Variants in NHSL2 observed in about 807,000 individuals in gnomAD.
The protein encoded by NHSL2 is NHS-like protein 2.
A neutral mutation model predicts 53.4 loss-of-function variants in NHSL2; 27 were observed. The ratio of observed to expected loss-of-function variants is 0.51; its 90% confidence interval spans 0.37 to 0.70. The LOEUF (loss-of-function observed/expected upper bound fraction) is 0.70, where lower values mean the gene tolerates loss of function less well. NHSL2 is among the 30% of genes least tolerant of loss of function. The pLI is 0.00. For synonymous variants in NHSL2, 408 were observed against 404.1 expected, an observed-to-expected ratio of 1.01 and a Z score of -0.12; for missense variants, 892 against 980.1, an observed-to-expected ratio of 0.91 and a Z score of 1.20.
chrX:72,134,566 G>A lies in NHSL2; in HGVS notation c.622G>A (p.Glu208Lys), dbSNP rs919480148. ...TACCACCCAGGGTGTGAGGGCCCCC[G>A]AGGCCTCCCTGAGCCTGTCTACCAC... Reference protein sequence around the residue: ...ETTTQGVRAPEASLSLSTTAD... With the variant: ...ETTTQGVRAPKASLSLSTTAD... Residue 208 changes from glutamate (E) to lysine (K), a missense_variant, in exon 4 of 8, where the codon GAG (glutamate) becomes AAG (lysine). Physicochemically the swap from Glu to Lys is moderately conservative, Grantham distance 56. Coordinates refer to ENST00000633930, the MANE Select transcript of NHSL2 (RefSeq NM_001013627.3). 4.3e-6 allele frequency: 5 copies of A among 1,166,614 alleles called. No homozygotes were observed. The highest frequency in any genetic ancestry group is 2.3e-4 in the Middle Eastern group (1 of 4,307).
chrX:72,098,593 AAAAG>A (rs1480504469), intron 1 of NHSL2, among the ~76,000 whole-genome samples: 2 of 110,407 alleles, frequency 1.8e-5, no homozygotes, highest in Admixed American at 9.6e-5. Context: ...AAAAAAAAAA[AAAAG>A]AAAGAGAGAA....
intron 1 of NHSL2, among the ~76,000 whole-genome samples, chrX:72,099,830 C>G (rs982384819): frequency 8.9e-6 from 1 of 112,528 alleles, no homozygotes; most frequent in Non-Finnish European, 1.9e-5. Context: ...TTCTTTGTTT[C>G]ATATTCAGTC....
chrX:72,131,945 C>G (rs1340926666), intron 1 of NHSL2, 134 bp from the exon 2 acceptor site: 14 of 595,067 alleles, frequency 2.4e-5, no homozygotes, highest in Non-Finnish European at 3.7e-5. Context: ...GATTCCCCGC[C>G]TTTTAAGCGC....
At chrX:71,923,886 G>A (rs2041671959) in intron 1 of NHSL2, among the ~76,000 whole-genome samples, 1 of 112,053 alleles carries the variant, frequency 8.9e-6, no homozygotes, top group Non-Finnish European at 1.9e-5. Flanking sequence ...ACTTCACTAT[G>A]GCTTTAAAAC....
chrX:72,022,825 C>T (rs2042166729), intron 1 of NHSL2, among the ~76,000 whole-genome samples: 2 of 111,659 alleles, frequency 1.8e-5, no homozygotes, highest in Admixed American at 9.4e-5. Context: ...CTAGATGCTG[C>T]TTCAGATCAC....
At chrX:71,939,355 A>T (rs186627834) in intron 1 of NHSL2, among the ~76,000 whole-genome samples, 46 of 112,426 alleles carry the variant, frequency 4.1e-4, no homozygotes, top group African/African-American at 1.4e-3. Flanking sequence ...TTTCAGAAAC[A>T]TCACTGTGGA....
At chrX:71,998,525 C>A (rs1023467368) in intron 1 of NHSL2, among the ~76,000 whole-genome samples, 3 of 111,726 alleles carry the variant, frequency 2.7e-5, no homozygotes, top group African/African-American at 9.8e-5. Flanking sequence ...ATCCTTCTGC[C>A]TAAGGCAGGG....
intron 1 of NHSL2, among the ~76,000 whole-genome samples, chrX:71,937,358 GA>G (rs1172904673): frequency 1.8e-5 from 2 of 111,517 alleles, no homozygotes; most frequent in African/African-American, 3.3e-5. Context: ...GCGTCACCAG[GA>G]AGGGCCTAGG....
At chrX:71,993,652 C>T (rs771329263) in intron 1 of NHSL2, among the ~76,000 whole-genome samples, 3 of 111,423 alleles carry the variant, frequency 2.7e-5, no homozygotes, top group South Asian at 7.6e-4. Flanking sequence ...AAGGATGCTC[C>T]GTCTTTAGCA....
At chrX:72,119,657 C>A (rs1276105262) in intron 1 of NHSL2, among the ~76,000 whole-genome samples, 2 of 112,084 alleles carry the variant, frequency 1.8e-5, no homozygotes, top group Non-Finnish European at 3.8e-5. Context: ...TTAGTGGATT[C>A]CTTAGGATTT....
rs368395637 is a variant in NHSL2, at chrX:72,140,276, A to G, written c.2728A>G (p.Ile910Val). 36 of 1,208,705 alleles carry G rather than the reference A, an allele frequency of 3.0e-5. No individual in the cohort carries two copies. In the East Asian group the frequency reaches 3.6e-4, roughly 12 times the overall value. ...CTTGGCTATGCCCCCCAGGAGCTCA[A>G]TTCAACATGCGAGACCACTCCCTCA... ...PTLAMPPRSS[I>V]QHARPLPQDS... Residue 910 changes from isoleucine (I) to valine (V), a missense_variant, in exon 6 of 8, where the codon ATT (isoleucine) becomes GTT (valine). Ile to Val is a conservative substitution (Grantham distance 29). Coordinates refer to ENST00000633930, the MANE Select transcript of NHSL2 (RefSeq NM_001013627.3).
intron 1 of NHSL2, among the ~76,000 whole-genome samples, chrX:72,011,867 A>G (rs1305860798): frequency 8.9e-6 from 1 of 111,758 alleles, no homozygotes; most frequent in Admixed American, 9.5e-5. Context: ...CCCTAAGATT[A>G]GTGATGTTGA....
intron 1 of NHSL2, among the ~76,000 whole-genome samples, chrX:72,088,153 C>T (rs990224056): frequency 8.9e-6 from 1 of 112,001 alleles, no homozygotes; most frequent in African/African-American, 3.3e-5. Flanking sequence ...ATAGCTTGAA[C>T]CCGGGAGGCA....
chrX:71,940,299 G>T (rs2041759649), intron 1 of NHSL2, among the ~76,000 whole-genome samples: 1 of 112,445 alleles, frequency 8.9e-6, no homozygotes, highest in African/African-American at 3.2e-5. Context: ...AATTGTTGGT[G>T]AGACTAGTTT....
Position 72,139,011 on chromosome X carries a change from C to G in NHSL2, c.1463C>G (p.Pro488Arg). 1 of 1,179,841 alleles carries G rather than the reference C, an allele frequency of 8.5e-7. No homozygotes were observed. Among genetic ancestry groups the G allele is most frequent in the Non-Finnish European group, 1.1e-6 (1 of 879,292 alleles). Reference protein sequence around the residue: ...TSGTSRLETGPGGASRFRERS... With the variant: ...TSGTSRLETGRGGASRFRERS... ...GGGACCTCGAGGCTGGAGACAGGCC[C>G]CGGTGGGGCCAGCAGATTCCGGGAG... Residue 488 changes from proline (P) to arginine (R), a missense_variant, in exon 6 of 8, where the codon CCC becomes CGC. By Grantham distance (103) the Pro-to-Arg change is moderately radical. Coordinates refer to ENST00000633930, the MANE Select transcript of NHSL2 (RefSeq NM_001013627.3).
At position 72,143,399 on chromosome X, in the gene NHSL2, T is replaced by C; in HGVS notation, c.3503T>C (p.Leu1168Pro). The change falls in exon 8 of 8, where the codon CTA becomes CCA. Residue 1168 changes from leucine to proline, a missense_variant. Coordinates refer to ENST00000633930, the MANE Select transcript of NHSL2 (RefSeq NM_001013627.3). ...GCAGGGTCAGGCAGCAGTGCCAACC[T>C]AGATGCTGGCAGAAATGACGATTTC... ...ATAGSGSSANLDAGRNDDFKA... is the reference protein window; with the variant it reads ...ATAGSGSSANPDAGRNDDFKA... 1 of 1,167,220 alleles carries C rather than the reference T, an allele frequency of 8.6e-7. No homozygotes were observed. Among genetic ancestry groups the C allele is most frequent in the Non-Finnish European group, 1.1e-6 (1 of 872,832 alleles).
chrX:72,010,549 T>C (rs2042111447), intron 1 of NHSL2, among the ~76,000 whole-genome samples: 1 of 112,536 alleles, frequency 8.9e-6, no homozygotes, highest in Non-Finnish European at 1.9e-5. Context: ...CAAATCTCTT[T>C]CTGTGCATAC....
chrX:72,003,015 G>T (rs907309100), intron 1 of NHSL2, among the ~76,000 whole-genome samples: 1 of 110,412 alleles, frequency 9.1e-6, no homozygotes, highest in Non-Finnish European at 1.9e-5. Context: ...TGCGCACAGA[G>T]ATTGTGCTAT....
chrX:72,137,038 C>T (rs146104277), intron 4 of NHSL2, 56 bp from the exon 5 acceptor site: 508 of 1,092,359 alleles, frequency 4.7e-4, no homozygotes, highest in Non-Finnish European at 6.0e-4. Context: ...GGCCAATTTC[C>T]ACCGTGCTTT....
Sources: allele counts gnomAD v4.1 joint callset (sites outside exome capture counted in the v4.1 genomes callset), GRCh38; gene constraint gnomAD v4.1.1; transcripts MANE v1.5; gene names NCBI Gene and HGNC (gene_info 2026-07-23, HGNC 2026-07-21).